The following MRPS31 variants were observed in gnomAD, a reference collection of about 807,000 sequenced individuals.
MRPS31 encodes the protein mitochondrial ribosomal protein S31.
Under a neutral mutation model 43.1 loss-of-function variants are expected in MRPS31, and 32 were observed. That is an observed-to-expected ratio of 0.74 (90% CI 0.56 to 1.00). MRPS31 has a LOEUF of 1.00. Ranked by LOEUF, MRPS31 falls within the 50% of genes least tolerant of loss-of-function variation. The pLI is 0.00. For missense variants in MRPS31, 437 were observed against 466.7 expected (o/e 0.94, Z 0.59); for synonymous variants, 165 against 161.6 (o/e 1.02, Z -0.16).
Position 40,771,127 on chromosome 13 carries a change from T to C in MRPS31, c.10A>G (p.Arg4Gly), listed in dbSNP as rs1458886459. The C allele has an allele frequency of 3.7e-6, 6 of 1,603,190 alleles. No individual in the cohort carries two copies. Among genetic ancestry groups the C allele is most frequent in the African/African-American group, 1.3e-5 (1 of 74,442 alleles). ...CGAAGAGGTAGGAACGTCGAGACTC[T>C]AGGAAACATCGCCGAGACACGAAAT... Reference protein sequence around the residue: MFPRVSTFLPLRPL... With the variant: MFPGVSTFLPLRPL... The change falls in exon 1 of 7, where the codon AGA (arginine) becomes GGA (glycine). Residue 4 changes from arginine to glycine, a missense_variant. Coordinates refer to ENST00000323563, the MANE Select transcript of MRPS31 (RefSeq NM_005830.4).
intron 6 of MRPS31, among the ~76,000 whole-genome samples, chr13:40,748,227 G>A (rs529787992): frequency 4.6e-5 from 7 of 152,130 alleles, no homozygotes; most frequent in African/African-American, 1.2e-4. Flanking sequence ...GCGTGATCTC[G>A]GCTCACTGCA....
intron 3 of MRPS31, among the ~76,000 whole-genome samples, chr13:40,757,453 T>A (rs1307208653): frequency 1.4e-5 from 2 of 148,014 alleles, no homozygotes; most frequent in Non-Finnish European, 3.0e-5. Flanking sequence ...TTTTTTTTTT[T>A]TTTTTTTTTG....
intron 6 of MRPS31, among the ~76,000 whole-genome samples, chr13:40,742,438 T>C (rs1880126524): frequency 6.6e-6 from 1 of 152,222 alleles, no homozygotes; most frequent in Non-Finnish European, 1.5e-5. Flanking sequence ...TTTCCACTTC[T>C]ATGTATTATC....
chr13:40,748,790 T>C (rs1365524506), intron 6 of MRPS31, among the ~76,000 whole-genome samples: 3 of 152,210 alleles, frequency 2.0e-5, no homozygotes, highest in Non-Finnish European at 4.4e-5. Flanking sequence ...AATTTAAGTA[T>C]AATCTTATAC....
chr13:40,739,138 CCAA>C (rs1367724903), intron 6 of MRPS31, among the ~76,000 whole-genome samples: 2 of 152,066 alleles, frequency 1.3e-5, no homozygotes, highest in African/African-American at 4.8e-5. Flanking sequence ...TTCCTATACA[CCAA>C]CAACAGACAA....
intron 1 of MRPS31, among the ~76,000 whole-genome samples, chr13:40,770,084 A>G (rs893936574): frequency 9.2e-5 from 14 of 152,236 alleles, no homozygotes; most frequent in Non-Finnish European, 1.6e-4. Context: ...TTCTGTTAAC[A>G]TTAAGGATAC....
intron 2 of MRPS31, among the ~76,000 whole-genome samples, chr13:40,760,126 G>A (rs1244025734): frequency 4.8e-5 from 5 of 104,316 alleles, no homozygotes; most frequent in African/African-American, 1.7e-4. Context: ...GTCAGAACTA[G>A]ACTCTGTCAA....
chr13:40,764,992 G>A (rs1417392293), intron 2 of MRPS31, among the ~76,000 whole-genome samples: 1 of 152,194 alleles, frequency 6.6e-6, no homozygotes, highest in Non-Finnish European at 1.5e-5. Context: ...GTCTATGTAT[G>A]AAGCAATGAT....
At chr13:40,732,784 A>G (rs1182753161) in intron 6 of MRPS31, among the ~76,000 whole-genome samples, 1 of 152,092 alleles carries the variant, frequency 6.6e-6, no homozygotes, top group African/African-American at 2.4e-5. Flanking sequence ...GAGCAACATT[A>G]CATTTCCCAG....
At chr13:40,730,607 C>T (rs931286450) in intron 6 of MRPS31, among the ~76,000 whole-genome samples, 6 of 152,130 alleles carry the variant, frequency 3.9e-5, no homozygotes, top group Non-Finnish European at 7.3e-5. Context: ...GTCGCCCAGG[C>T]TGGAGTGCAA....
At position 40,770,172 on chromosome 13, in the gene MRPS31, T is replaced by C. The variant is rs528261254; in HGVS notation, c.152+813A>G. ...CCATTATCCCATGACGTCACATCCC[T>C]TTAATTCTACCTGTGCAATTTTTCT... On this transcript the variant is annotated intron_variant, in intron 1 of 6. Transcript: ENST00000323563. Among the ~76,000 whole-genome samples, 6 of 152,330 alleles carry C rather than the reference T, an allele frequency of 3.9e-5. No homozygotes were observed. The South Asian group carries it at 1.2e-3, about 32-fold the overall frequency.
chr13:40,729,509 T>C lies in MRPS31; in HGVS notation c.1051A>G (p.Met351Val), dbSNP rs1879606816. ...FPKQGPIRHFMELVTCGLSKN... is the reference protein window; with the variant it reads ...FPKQGPIRHFVELVTCGLSKN... ...GAAAGGCCACAAGTCACCAGCTCCA[T>C]GAAGTGGCGAATTGGTCCTTGTTTT... The change falls in exon 7 of 7, where the codon ATG becomes GTG. Residue 351 changes from methionine to valine, a missense_variant. Physicochemically the swap from Met to Val is conservative, Grantham distance 21. Coordinates refer to ENST00000323563, the MANE Select transcript of MRPS31 (RefSeq NM_005830.4). 2 of 1,613,960 alleles carry C rather than the reference T, an allele frequency of 1.2e-6. No individual in the cohort carries two copies. The highest frequency in any genetic ancestry group is 1.7e-6 in the Non-Finnish European group (2 of 1,179,952).
intron 4 of MRPS31, 119 bp downstream of exon 4, chr13:40,756,754 T>A: frequency 8.9e-7 from 1 of 1,121,600 alleles, no homozygotes; most frequent in South Asian, 1.4e-5. Context: ...GATGTAAATG[T>A]ATTCATAATG....
chr13:40,758,790 T>G (rs973446225), intron 3 of MRPS31, among the ~76,000 whole-genome samples, 158 bp downstream of exon 3: 1 of 152,216 alleles, frequency 6.6e-6, no homozygotes, highest in African/African-American at 2.4e-5. Context: ...ACTTAAGACA[T>G]AAGTTTTTTA....
chr13:40,756,990 A>G lies in MRPS31; in HGVS notation c.623T>C (p.Met208Thr), dbSNP rs373481473. The G allele has an allele frequency of 3.1e-6, 5 of 1,611,826 alleles. No homozygotes were observed. Among genetic ancestry groups the G allele is most frequent in the Non-Finnish European group, 4.2e-6 (5 of 1,179,002 alleles). ...KISFSNIISDMKVARSATARV... is the reference protein window; with the variant it reads ...KISFSNIISDTKVARSATARV... ...AGCTGTAGCAGATCTGGCAACTTTCATATCTGATATTATGTTACTGAAACT... is the reference window on the plus strand; with the variant it reads ...AGCTGTAGCAGATCTGGCAACTTTCGTATCTGATATTATGTTACTGAAACT... The change falls in exon 4 of 7, where the codon ATG becomes ACG. Residue 208 changes from methionine to threonine, a missense_variant. Coordinates refer to ENST00000323563, the MANE Select transcript of MRPS31 (RefSeq NM_005830.4).
At chr13:40,760,130 C>CT (rs1477109500) in intron 2 of MRPS31, among the ~76,000 whole-genome samples, 1 of 97,060 alleles carries the variant, frequency 1.0e-5, no homozygotes, top group Non-Finnish European at 1.8e-5. Context: ...GAACTAGACT[C>CT]TGTCAAAAAA....
chr13:40,740,125 G>A (rs1880039797), intron 6 of MRPS31, among the ~76,000 whole-genome samples: 1 of 149,808 alleles, frequency 6.7e-6, no homozygotes, highest in African/African-American at 2.5e-5. Flanking sequence ...AGTGGGCGAA[G>A]GACATGAACA....
intron 6 of MRPS31, among the ~76,000 whole-genome samples, chr13:40,732,994 G>GTTTTT (rs1159862645): frequency 4.7e-5 from 4 of 84,536 alleles, no homozygotes; most frequent in Non-Finnish European, 6.2e-5. Context: ...AATGCATTTG[G>GTTTTT]TTTTTTTTTT....
intron 2 of MRPS31, 112 bp downstream of exon 2, chr13:40,766,634 T>C: frequency 9.2e-7 from 1 of 1,088,600 alleles, no homozygotes; most frequent in South Asian, 1.7e-5. Flanking sequence ...CAAGCTGATA[T>C]TTATTCTTCA....
Sources: gnomAD v4.1 joint callset for allele counts (sites outside exome capture counted in the v4.1 genomes callset) on GRCh38, gnomAD v4.1.1 for gene constraint, MANE v1.5 for transcripts, NCBI Gene and HGNC (gene_info 2026-07-23, HGNC 2026-07-21) for gene names.